NREP: variants seen among roughly 807,000 people sequenced by gnomAD.
NREP encodes the protein neuronal regeneration-related protein.
In NREP, 5 loss-of-function variants were observed where a neutral mutation model predicts 8.6. That is an observed-to-expected ratio of 0.58 (90% CI 0.30 to 1.22). The LOEUF (loss-of-function observed/expected upper bound fraction) is 1.22. NREP is among the 50% of genes most tolerant of loss of function. NREP has a pLI of 0.07. For missense variants in NREP, 86 were observed against 82.5 expected, an observed-to-expected ratio of 1.04 and a Z score of -0.17; for synonymous variants, 27 against 28.0, an observed-to-expected ratio of 0.96 and a Z score of 0.11.
intron 2 of NREP, among the ~76,000 whole-genome samples, chr5:111,951,591 T>G (rs1163644085): frequency 6.6e-6 from 1 of 152,106 alleles, no homozygotes; most frequent in East Asian, 1.9e-4. Context: ...AACTTCTACT[T>G]TAGGGTATAA....
intron 2 of NREP, among the ~76,000 whole-genome samples, chr5:111,911,990 C>G (rs1400789196): frequency 6.6e-6 from 1 of 152,018 alleles, no homozygotes. Context: ...TCTAATGGTA[C>G]ACGATTGATA....
chr5:111,799,442 G>T (rs547819137), intron 2 of NREP, among the ~76,000 whole-genome samples: 84 of 152,312 alleles, frequency 5.5e-4, no homozygotes, highest in African/African-American at 2.0e-3. Context: ...CATTATCATT[G>T]TTAAATCCCA....
At chr5:111,886,284 A>G (rs1754246378) in intron 2 of NREP, among the ~76,000 whole-genome samples, 1 of 152,200 alleles carries the variant, frequency 6.6e-6, no homozygotes, top group East Asian at 1.9e-4. Flanking sequence ...ACCATCTCAC[A>G]CCAGTTAGAA....
intron 2 of NREP, among the ~76,000 whole-genome samples, chr5:111,820,770 A>G (rs925736984): frequency 2.6e-5 from 4 of 152,180 alleles, no homozygotes; most frequent in Non-Finnish European, 4.4e-5. Flanking sequence ...ATTATATTAG[A>G]TAAGATATAA....
intron 2 of NREP, among the ~76,000 whole-genome samples, chr5:111,949,640 T>C (rs1184500544): frequency 6.6e-6 from 1 of 152,096 alleles, no homozygotes; most frequent in Non-Finnish European, 1.5e-5. Context: ...CCATGTGTTC[T>C]CATTGTCCAG....
intron 2 of NREP, among the ~76,000 whole-genome samples, chr5:111,880,868 G>A (rs1581186457): frequency 6.6e-6 from 1 of 151,030 alleles, no homozygotes; most frequent in Non-Finnish European, 1.5e-5. Context: ...AATAGGAACA[G>A]CTCCGTTCTA....
chr5:111,955,693 T>C (rs1177923418), intron 2 of NREP, among the ~76,000 whole-genome samples: 2 of 152,030 alleles, frequency 1.3e-5, no homozygotes, highest in Non-Finnish European at 2.9e-5. Flanking sequence ...TAAAATGTGT[T>C]AAATTACACT....
At chr5:111,854,645 C>G (rs116635136) in intron 2 of NREP, among the ~76,000 whole-genome samples, 34 of 152,250 alleles carry the variant, frequency 2.2e-4, no homozygotes, top group African/African-American at 8.2e-4. Flanking sequence ...AAAAATAGTT[C>G]TAATCAATTA....
chr5:111,894,656 A>G (rs753075133), intron 2 of NREP, among the ~76,000 whole-genome samples: 37 of 152,118 alleles, frequency 2.4e-4, no homozygotes, highest in Non-Finnish European at 4.6e-4. Flanking sequence ...AGCAACAAAG[A>G]CCTTGGTCCA....
At chr5:111,894,703 G>T (rs897762990) in intron 2 of NREP, among the ~76,000 whole-genome samples, 1 of 152,142 alleles carries the variant, frequency 6.6e-6, no homozygotes, top group Non-Finnish European at 1.5e-5. Flanking sequence ...CTGCCCGCAT[G>T]AATTTTACTT....
intron 2 of NREP, chr5:111,845,966 T>G (rs1250877077): frequency 6.5e-6 from 1 of 152,706 alleles, no homozygotes; most frequent in African/African-American, 2.4e-5. Flanking sequence ...TTAGTATGCT[T>G]TGTATTACAG....
chr5:111,755,899 T>G (rs1750673885), intron 1 of NREP, 69 bp from the exon 2 acceptor site: 1 of 1,591,416 alleles, frequency 6.3e-7, no homozygotes, highest in Non-Finnish European at 8.6e-7. Context: ...AAATGCCTCT[T>G]TAGAGGTTAC....
intron 2 of NREP, among the ~76,000 whole-genome samples, chr5:111,962,659 T>C (rs993092057): frequency 3.3e-5 from 5 of 152,204 alleles, no homozygotes; most frequent in African/African-American, 1.2e-4. Context: ...TAATGTCTTT[T>C]TGTTAATTGA....
At chr5:111,760,507 G>C (rs1750937199), upstream of NREP, among the ~76,000 whole-genome samples, 1 of 152,220 alleles carries the variant, frequency 6.6e-6, no homozygotes, top group African/African-American at 2.4e-5. Flanking sequence ...CAAAGCCAAA[G>C]TGAAGGTGCA....
At chr5:111,862,162 C>G in intron 2 of NREP, among the ~76,000 whole-genome samples, 1 of 152,122 alleles carries the variant, frequency 6.6e-6, no homozygotes, top group East Asian at 1.9e-4. Flanking sequence ...GGCAAGATGT[C>G]TACAATTTTA....
chr5:111,900,990 G>A (rs373573235), intron 2 of NREP, among the ~76,000 whole-genome samples: 41 of 152,156 alleles, frequency 2.7e-4, no homozygotes, highest in African/African-American at 7.7e-4. Flanking sequence ...CCTGATGAAC[G>A]TAGATGCAAC....
intron 2 of NREP, among the ~76,000 whole-genome samples, chr5:111,748,968 T>C (rs898315206): frequency 3.0e-4 from 46 of 152,138 alleles, no homozygotes; most frequent in Non-Finnish European, 2.9e-5. Flanking sequence ...TGGTGTTTCA[T>C]AGAGGAGTTG....
At chr5:111,940,912 A>G (rs558475651) in intron 2 of NREP, among the ~76,000 whole-genome samples, 3 of 152,106 alleles carry the variant, frequency 2.0e-5, no homozygotes, top group Non-Finnish European at 4.4e-5. Context: ...AGAGGCACAT[A>G]GGGCAAGGTC....
intron 2 of NREP, among the ~76,000 whole-genome samples, chr5:111,867,111 G>A (rs923629638): frequency 5.9e-5 from 9 of 151,372 alleles, no homozygotes; most frequent in Admixed American, 1.3e-4. Context: ...TAACCTGCAC[G>A]TTGTGCACAT....
Sources: gnomAD v4.1 joint callset for allele counts (sites outside exome capture counted in the v4.1 genomes callset) on GRCh38, gnomAD v4.1.1 for gene constraint, MANE v1.5 for transcripts, NCBI Gene and HGNC (gene_info 2026-07-23, HGNC 2026-07-21) for gene names.